Variants in GALNT13 observed in about 807,000 individuals in gnomAD.
GALNT13 encodes the protein UDP-GalNAc:polypeptide N-acetylgalactosaminyltransferase 13.
A neutral mutation model predicts 64.2 loss-of-function variants in GALNT13; 28 were observed. The ratio of observed to expected loss-of-function variants is 0.44; its 90% CI spans 0.32 to 0.60. The LOEUF is 0.60. GALNT13 is among the 20% of genes least tolerant of loss of function. GALNT13 has a pLI of 0.05. For synonymous variants in GALNT13, 214 were observed against 224.6 expected (o/e 0.95, Z 0.42); for missense variants, 577 against 669.8 (o/e 0.86, Z 1.53).
chr2:153,620,901 T>G, the GALNT13 span, among the ~76,000 whole-genome samples: 6 of 152,048 alleles, frequency 3.9e-5, no homozygotes, highest in African/African-American at 1.4e-4. Context: ...TAGCCATCTT[T>G]CTTGGGAAGA....
At chr2:154,005,667 C>T (rs986109540) in intron 3 of GALNT13, among the ~76,000 whole-genome samples, 14 of 151,936 alleles carry the variant, frequency 9.2e-5, no homozygotes, top group African/African-American at 2.2e-4. Flanking sequence ...TTCCCAGATG[C>T]GTACAAATAT....
At chr2:153,646,913 G>A in the GALNT13 span, among the ~76,000 whole-genome samples, 3 of 152,034 alleles carry the variant, frequency 2.0e-5, no homozygotes, top group Admixed American at 6.6e-5. Flanking sequence ...GAGTAGTGCC[G>A]CAATAAACAT....
chr2:153,722,839 G>A, the GALNT13 span, among the ~76,000 whole-genome samples: 7 of 151,190 alleles, frequency 4.6e-5, no homozygotes, highest in African/African-American at 1.7e-4. Context: ...AAGAGTCCAG[G>A]ACCAGATGGA....
chr2:153,760,799 T>A, the GALNT13 span, among the ~76,000 whole-genome samples: 2 of 152,154 alleles, frequency 1.3e-5, no homozygotes, highest in Admixed American at 6.5e-5. Context: ...TCTGTCTGAA[T>A]GATTTGTCCA....
chr2:153,071,996 T>G, the GALNT13 span, among the ~76,000 whole-genome samples: 2 of 152,206 alleles, frequency 1.3e-5, no homozygotes, highest in African/African-American at 4.8e-5. Context: ...TCGTCTCTGT[T>G]TCCTTCACCA....
intron 2 of GALNT13, among the ~76,000 whole-genome samples, chr2:153,929,215 G>T (rs1009723460): frequency 7.2e-5 from 11 of 152,058 alleles, no homozygotes; most frequent in Admixed American, 7.2e-4. Flanking sequence ...ATACCTCACA[G>T]TACCTGCCTA....
chr2:153,124,391 T>G, the GALNT13 span, among the ~76,000 whole-genome samples: 7,144 of 152,304 alleles, frequency 0.047, 275 homozygotes, highest in East Asian at 0.19. Context: ...CAGCAATAGA[T>G]AGCAAATATA....
At chr2:153,376,730 A>T in the GALNT13 span, among the ~76,000 whole-genome samples, 1 of 152,184 alleles carries the variant, frequency 6.6e-6, no homozygotes, top group Non-Finnish European at 1.5e-5. Flanking sequence ...TGAGAAGCCT[A>T]TGGAATACAT....
chr2:153,462,089 A>G, the GALNT13 span, among the ~76,000 whole-genome samples: 1,751 of 152,132 alleles, frequency 0.012, 39 homozygotes, highest in African/African-American at 0.04. Context: ...CTTTTATGGA[A>G]TAGATAGAGA....
the GALNT13 span, among the ~76,000 whole-genome samples, chr2:153,824,655 T>A: frequency 6.6e-6 from 1 of 152,206 alleles, no homozygotes. Context: ...ACATCTGATA[T>A]GATTTGAATC....
At chr2:153,570,467 C>A in the GALNT13 span, among the ~76,000 whole-genome samples, 1 of 152,024 alleles carries the variant, frequency 6.6e-6, no homozygotes, top group African/African-American at 2.4e-5. Context: ...GTGATGTGAT[C>A]CCATTTGTTC....
the GALNT13 span, among the ~76,000 whole-genome samples, chr2:153,073,044 G>C: frequency 6.6e-6 from 1 of 152,098 alleles, no homozygotes; most frequent in South Asian, 2.1e-4. Flanking sequence ...ACGATGCTAA[G>C]TGCTTTTGAC....
the GALNT13 span, among the ~76,000 whole-genome samples, chr2:153,457,598 A>G: frequency 6.6e-6 from 1 of 152,178 alleles, no homozygotes; most frequent in African/African-American, 2.4e-5. Context: ...ACAATTTCAC[A>G]TCATTAAAAT....
At chr2:153,206,874 C>G in the GALNT13 span, among the ~76,000 whole-genome samples, 1 of 151,892 alleles carries the variant, frequency 6.6e-6, no homozygotes, top group South Asian at 2.1e-4. Context: ...TCAGTGAACC[C>G]CCATTTTACT....
chr2:153,659,207 A>G, the GALNT13 span, among the ~76,000 whole-genome samples: 2 of 152,132 alleles, frequency 1.3e-5, no homozygotes, highest in Non-Finnish European at 2.9e-5. Flanking sequence ...AAGTATTAAT[A>G]TAGACATTTT....
chr2:153,484,479 C>G, the GALNT13 span, among the ~76,000 whole-genome samples: 1 of 152,112 alleles, frequency 6.6e-6, no homozygotes, highest in African/African-American at 2.4e-5. Context: ...GATGAGTTTA[C>G]AAATTGAAAT....
the GALNT13 span, among the ~76,000 whole-genome samples, chr2:153,525,537 CAT>C: frequency 6.6e-6 from 1 of 152,284 alleles, no homozygotes; most frequent in African/African-American, 2.4e-5. Context: ...TACCTCCTGT[CAT>C]ATCAGTGGTG....
intron 1 of GALNT13, among the ~76,000 whole-genome samples, chr2:153,876,762 G>A (rs1686409419): frequency 6.6e-6 from 1 of 152,080 alleles, no homozygotes; most frequent in African/African-American, 2.4e-5. Context: ...AGTTTTTCAA[G>A]CTGTTTTTAG....
the GALNT13 span, among the ~76,000 whole-genome samples, chr2:153,830,066 A>G: frequency 1.3e-5 from 2 of 152,192 alleles, no homozygotes; most frequent in Admixed American, 1.3e-4. Context: ...AAGTAAAACA[A>G]TCATTCACTA....
Sources: gnomAD v4.1 joint callset for allele counts (sites outside exome capture counted in the v4.1 genomes callset) on GRCh38, gnomAD v4.1.1 for gene constraint, MANE v1.5 for transcripts, NCBI Gene and HGNC (gene_info 2026-07-23, HGNC 2026-07-21) for gene names.